ARHGAP26: variants seen among roughly 807,000 people sequenced by gnomAD.
The protein encoded by ARHGAP26 is Rho GTPase activating protein 26, also known as rho GTPase-activating protein 26.
In ARHGAP26, 38 loss-of-function variants were observed where a neutral mutation model predicts 104.8. The ratio of observed to expected loss-of-function variants is 0.36; its 90% CI spans 0.28 to 0.48. ARHGAP26 has a LOEUF of 0.48. Ranked by LOEUF, ARHGAP26 falls within the 20% of genes least tolerant of loss-of-function variation. The pLI is 0.99. For missense variants in ARHGAP26, 704 were observed against 947.9 expected, an observed-to-expected ratio of 0.74 and a Z score of 3.38; for synonymous variants, 341 against 340.0, an observed-to-expected ratio of 1.00 and a Z score of -0.03.
chr5:143,074,068 A>G (rs1180943689), intron 17 of ARHGAP26, among the ~76,000 whole-genome samples: 2 of 152,234 alleles, frequency 1.3e-5, no homozygotes, highest in Non-Finnish European at 2.9e-5. Context: ...AAATGGTGGT[A>G]AAACTTTTTA....
chr5:142,896,497 G>A (rs1296268345), intron 6 of ARHGAP26, among the ~76,000 whole-genome samples: 2 of 152,174 alleles, frequency 1.3e-5, no homozygotes, highest in Non-Finnish European at 2.9e-5. Context: ...ACATCTGTGA[G>A]GTTCAGCCAG....
rs1165350431 is a variant in ARHGAP26, at chr5:143,227,899, T to A, written c.*5453T>A. 4.5e-6 allele frequency: 1 copy of A among 221,996 alleles called. No homozygotes were observed. Among genetic ancestry groups the A allele is most frequent in the African/African-American group, 2.2e-5 (1 of 44,698 alleles). 13.8% of individuals were successfully genotyped at this position (221,996 alleles called of 1,614,324 possible). A position where few individuals can be genotyped will look rare whatever the true frequency, so the allele number is the denominator to read the frequency against. On this transcript the variant is annotated 3_prime_UTR_variant, in exon 23 of 23. Transcript: ENST00000645722. ...CACAGAAAAATTTCACAGCTAATAT[T>A]TTTACAAAAGTTGTGCCAGACATTA...
intron 5 of ARHGAP26, among the ~76,000 whole-genome samples, chr5:142,885,799 C>T (rs1757619138): frequency 6.6e-6 from 1 of 152,228 alleles, no homozygotes; most frequent in Admixed American, 6.5e-5. Flanking sequence ...GCATCTCAAA[C>T]ACTTTGGTTA....
chr5:143,210,550 C>T (rs1235193628), intron 21 of ARHGAP26, among the ~76,000 whole-genome samples: 1 of 152,192 alleles, frequency 6.6e-6, no homozygotes, highest in East Asian at 1.9e-4. Context: ...GTGCTGGAGA[C>T]ACATTCCCTC....
At chr5:142,823,608 A>T (rs932227737) in intron 1 of ARHGAP26, among the ~76,000 whole-genome samples, 1 of 152,034 alleles carries the variant, frequency 6.6e-6, no homozygotes, top group Non-Finnish European at 1.5e-5. Context: ...AGCAAGTACT[A>T]TAAGAAAAAA....
intron 13 of ARHGAP26, among the ~76,000 whole-genome samples, chr5:143,038,297 G>T (rs1478627584): frequency 6.6e-6 from 1 of 152,080 alleles, no homozygotes; most frequent in African/African-American, 2.4e-5. Flanking sequence ...GGAAGAGAGA[G>T]AATTTAAAAA....
At chr5:143,187,302 T>C (rs1236820450) in intron 20 of ARHGAP26, among the ~76,000 whole-genome samples, 2 of 152,258 alleles carry the variant, frequency 1.3e-5, no homozygotes, top group African/African-American at 2.4e-5. Context: ...TTTAGAAATC[T>C]GCTTATCAAG....
chr5:143,154,863 T>TA (rs1472788170), intron 20 of ARHGAP26, among the ~76,000 whole-genome samples: 1 of 151,970 alleles, frequency 6.6e-6, no homozygotes, highest in African/African-American at 2.4e-5. Context: ...TTTTTTTTTT[T>TA]AAAAAGCAAT....
intron 12 of ARHGAP26, among the ~76,000 whole-genome samples, chr5:143,018,869 A>T (rs1779930230): frequency 6.6e-6 from 1 of 152,194 alleles, no homozygotes; most frequent in Non-Finnish European, 1.5e-5. Context: ...TTTCCCCTAA[A>T]ATAAAATTTT....
intron 21 of ARHGAP26, among the ~76,000 whole-genome samples, chr5:143,208,113 C>T (rs1808871606): frequency 6.6e-6 from 1 of 152,216 alleles, no homozygotes; most frequent in African/African-American, 2.4e-5. Flanking sequence ...AGTTCCTCTT[C>T]TCAGGGCCAT....
At chr5:142,981,240 A>G (rs1243370004) in intron 11 of ARHGAP26, among the ~76,000 whole-genome samples, 2 of 152,230 alleles carry the variant, frequency 1.3e-5, no homozygotes, top group Non-Finnish European at 2.9e-5. Flanking sequence ...ACCCACTAGT[A>G]TGGTATTAAT....
At chr5:143,116,295 G>T (rs1795430187) in intron 17 of ARHGAP26, among the ~76,000 whole-genome samples, 1 of 152,180 alleles carries the variant, frequency 6.6e-6, no homozygotes, top group African/African-American at 2.4e-5. Context: ...AGCAAACAAG[G>T]AAGGGATGGT....
intron 9 of ARHGAP26, among the ~76,000 whole-genome samples, chr5:142,910,318 T>C (rs1179023263): frequency 2.2e-4 from 34 of 152,220 alleles, no homozygotes; most frequent in Admixed American, 2.2e-3. Flanking sequence ...GAACTCATTA[T>C]ACTTCCCATG....
At chr5:142,812,093 C>G (rs995000248) in intron 1 of ARHGAP26, among the ~76,000 whole-genome samples, 1 of 152,132 alleles carries the variant, frequency 6.6e-6, no homozygotes, top group African/African-American at 2.4e-5. Flanking sequence ...TCCCCCTCCC[C>G]ACCCCGTCTA....
chr5:142,941,024 G>A (rs1195098705), intron 11 of ARHGAP26, among the ~76,000 whole-genome samples: 3 of 123,668 alleles, frequency 2.4e-5, no homozygotes, highest in African/African-American at 3.2e-5. Flanking sequence ...GCAGTGAGCC[G>A]AGATCATGCC....
intron 17 of ARHGAP26, among the ~76,000 whole-genome samples, chr5:143,106,276 T>C (rs1397906795): frequency 1.3e-5 from 2 of 152,038 alleles, no homozygotes; most frequent in African/African-American, 4.8e-5. Flanking sequence ...AGCTGCTTCC[T>C]AAATGGGTTG....
At chr5:143,035,194 A>G (rs897376304) in intron 12 of ARHGAP26, among the ~76,000 whole-genome samples, 2 of 152,230 alleles carry the variant, frequency 1.3e-5, no homozygotes, top group African/African-American at 4.8e-5. Context: ...AGGAATTAGC[A>G]TTCCTTTTTA....
At chr5:142,808,013 A>G (rs965859054) in intron 1 of ARHGAP26, among the ~76,000 whole-genome samples, 1 of 152,046 alleles carries the variant, frequency 6.6e-6, no homozygotes, top group Non-Finnish European at 1.5e-5. Context: ...AGGCGGGCGG[A>G]TCACGAGGTC....
chr5:143,154,473 C>T (rs921686762), intron 20 of ARHGAP26, among the ~76,000 whole-genome samples: 4 of 152,126 alleles, frequency 2.6e-5, no homozygotes, highest in Non-Finnish European at 4.4e-5. Context: ...TTGGAGGGCT[C>T]CCCCCACAAA....
Sources: allele counts gnomAD v4.1 joint callset (sites outside exome capture counted in the v4.1 genomes callset), GRCh38; gene constraint gnomAD v4.1.1; transcripts MANE v1.5; gene names NCBI Gene and HGNC (gene_info 2026-07-23, HGNC 2026-07-21).